The following TNS3 variants were observed in gnomAD, a reference collection of about 807,000 sequenced individuals.
TNS3 encodes the protein tensin 3.
In TNS3, 45 loss-of-function variants were observed where a neutral mutation model predicts 140.9. That is an observed-to-expected ratio of 0.32 (90% confidence interval 0.25 to 0.41). The LOEUF (loss-of-function observed/expected upper bound fraction) is 0.41. TNS3 is among the 10% of genes least tolerant of loss of function. The pLI, the probability that TNS3 is intolerant of heterozygous loss-of-function variation, is 1.00. For synonymous variants in TNS3, 815 were observed against 788.4 expected, an observed-to-expected ratio of 1.03 and a Z score of -0.56; for missense variants, 1,716 against 1,906.7, an observed-to-expected ratio of 0.90 and a Z score of 1.86.
chr7:47,409,656 A>ATTTTTTTTTTTTTTTTTT (rs1314338489), intron 13 of TNS3, among the ~76,000 whole-genome samples: 2 of 150,020 alleles, frequency 1.3e-5, no homozygotes, highest in African/African-American at 5.0e-5. Context: ...CTCTTGGCCT[A>ATTTTTTTTTTTTTTTTTT]TTCTTTTTTT....
intron 20 of TNS3, among the ~76,000 whole-genome samples, chr7:47,306,937 A>G (rs1036873165): frequency 6.6e-6 from 1 of 152,246 alleles, no homozygotes; most frequent in Admixed American, 6.5e-5. Flanking sequence ...TAAATTAACA[A>G]CTATCCTAAG....
chr7:47,394,782 C>G (rs948396867), intron 16 of TNS3, among the ~76,000 whole-genome samples: 8 of 152,372 alleles, frequency 5.3e-5, no homozygotes, highest in African/African-American at 1.9e-4. Flanking sequence ...ATAAAATCAA[C>G]GTAGGTCCTT....
intron 8 of TNS3, among the ~76,000 whole-genome samples, chr7:47,432,443 C>T (rs1446886775): frequency 1.3e-5 from 2 of 152,082 alleles, no homozygotes; most frequent in Non-Finnish European, 2.9e-5. Context: ...ACATCTCAGC[C>T]CCTATAAATA....
intron 16 of TNS3, among the ~76,000 whole-genome samples, chr7:47,388,682 T>C (rs925519031): frequency 6.6e-6 from 1 of 151,862 alleles, no homozygotes; most frequent in Non-Finnish European, 1.5e-5. Flanking sequence ...CTGGCCAACA[T>C]AGTGAAAACC....
intron 17 of TNS3, among the ~76,000 whole-genome samples, chr7:47,360,839 G>C (rs927390876): frequency 6.6e-6 from 1 of 152,044 alleles, no homozygotes; most frequent in African/African-American, 2.4e-5. Context: ...GCCCATAACT[G>C]GGCACTGCTC....
At chr7:47,577,568 G>A (rs1056830866) in intron 1 of TNS3, among the ~76,000 whole-genome samples, 4 of 152,108 alleles carry the variant, frequency 2.6e-5, no homozygotes, top group African/African-American at 7.2e-5. Flanking sequence ...CTGACGGACC[G>A]GGATTCAGAT....
In TNS3 at chr7:47,491,852, G is replaced by T. The variant is rs1489489152; in HGVS notation, c.-114-10711C>A. On this transcript the variant is annotated intron_variant, in intron 3 of 30. Transcript: ENST00000311160. ...TCATGTCCTACAGAGATGGCCCCGG[G>T]TGTATGTTGATGTGTGCATGGCCCC... Among the ~76,000 whole-genome samples, 5 of 152,152 alleles carry T rather than the reference G, an allele frequency of 3.3e-5. No individual in the cohort carries two copies. In the East Asian group the frequency reaches 9.6e-4, roughly 29 times the overall value.
intron 21 of TNS3, among the ~76,000 whole-genome samples, chr7:47,304,075 C>T (rs536719718): frequency 1.3e-5 from 2 of 152,330 alleles, no homozygotes; most frequent in Admixed American, 6.5e-5. Context: ...ATTCATCCCC[C>T]GCAGCCAGGC....
chr7:47,550,841 G>T (rs909249808), intron 1 of TNS3, among the ~76,000 whole-genome samples: 1 of 152,102 alleles, frequency 6.6e-6, no homozygotes, highest in Non-Finnish European at 1.5e-5. Context: ...CACTTATATG[G>T]AAAACGCCCA....
At chr7:47,450,110 G>GA (rs1338140817) in intron 4 of TNS3, among the ~76,000 whole-genome samples, 1 of 152,158 alleles carries the variant, frequency 6.6e-6, no homozygotes, top group East Asian at 1.9e-4. Context: ...AGGAAGAAAC[G>GA]AACCACTAAT....
chr7:47,498,035 C>T (rs561510499), intron 3 of TNS3, among the ~76,000 whole-genome samples: 1 of 152,312 alleles, frequency 6.6e-6, no homozygotes, highest in Non-Finnish European at 1.5e-5. Flanking sequence ...CAACAACATC[C>T]CGCAGGGTGG....
At chr7:47,557,197 C>G (rs1309312772) in intron 1 of TNS3, 1 of 453,910 alleles carries the variant, frequency 2.2e-6, no homozygotes, top group Non-Finnish European at 4.4e-6. Context: ...AACAGTGCGT[C>G]TGGGAAAGTT....
intron 2 of TNS3, among the ~76,000 whole-genome samples, chr7:47,517,967 A>G (rs1184077814): frequency 6.6e-6 from 1 of 152,198 alleles, no homozygotes; most frequent in African/African-American, 2.4e-5. Context: ...TGAGGGCATC[A>G]ACCAATCAAT....
At chr7:47,297,416 G>A (rs2293364) in intron 23 of TNS3, among the ~76,000 whole-genome samples, 48,360 of 151,870 alleles carry the variant, frequency 0.32, 9,208 homozygotes, top group Non-Finnish European at 0.43. Context: ...GTGGTGTCGT[G>A]TATGTTTCAT....
chr7:47,453,225 C>A, intron 4 of TNS3: 1 of 985,332 alleles, frequency 1.0e-6, no homozygotes, highest in Non-Finnish European at 1.2e-6. Flanking sequence ...GGGCTGAGGG[C>A]CAGCCTGCCG....
At chr7:47,420,704 C>T (rs904082203) in intron 10 of TNS3, among the ~76,000 whole-genome samples, 1 of 152,188 alleles carries the variant, frequency 6.6e-6, no homozygotes, top group Non-Finnish European at 1.5e-5. Flanking sequence ...CTCTTCTAAG[C>T]GTACTTTCCT....
intron 17 of TNS3, among the ~76,000 whole-genome samples, chr7:47,358,656 A>C (rs1165080317): frequency 1.3e-5 from 2 of 152,220 alleles, no homozygotes; most frequent in African/African-American, 2.4e-5. Flanking sequence ...TTGGGTGCAC[A>C]GAGAGGGCTC....
chr7:47,467,995 A>G (rs1341771451), intron 4 of TNS3, among the ~76,000 whole-genome samples: 1 of 152,194 alleles, frequency 6.6e-6, no homozygotes, highest in Non-Finnish European at 1.5e-5. Flanking sequence ...CTGACCTGGA[A>G]TCTGTAACGT....
chr7:47,428,414 TC>T, intron 8 of TNS3, 38 bp from the exon 9 acceptor site: 1 of 1,362,226 alleles, frequency 7.3e-7, no homozygotes, highest in East Asian at 2.8e-5. Flanking sequence ...TTCTCTGAAA[TC>T]CCACAGCAGA....
Sources: allele counts gnomAD v4.1 joint callset (sites outside exome capture counted in the v4.1 genomes callset), GRCh38; gene constraint gnomAD v4.1.1; transcripts MANE v1.5; gene names NCBI Gene and HGNC (gene_info 2026-07-23, HGNC 2026-07-21).